The following GALNT2 variants were observed in gnomAD, a reference collection of about 807,000 sequenced individuals.
The protein encoded by GALNT2 is UDP-GalNAc:polypeptide N-acetylgalactosaminyltransferase 2.
Under a neutral mutation model 81.4 loss-of-function variants are expected in GALNT2, and 31 were observed. That is an observed-to-expected ratio of 0.38 (90% CI 0.29 to 0.51). The LOEUF is 0.51. Ranked by LOEUF, GALNT2 falls within the 20% of genes least tolerant of loss-of-function variation. GALNT2 has a pLI of 0.87. For synonymous variants in GALNT2, 303 were observed against 287.4 expected (o/e 1.05, Z -0.55); for missense variants, 629 against 765.7 (o/e 0.82, Z 2.11).
chr1:230,092,184 T>TTTTTTTTTTTTTG (rs1660108696), intron 1 of GALNT2, among the ~76,000 whole-genome samples: 1 of 119,606 alleles, frequency 8.4e-6, no homozygotes. Flanking sequence ...TAGTTTTTTT[T>TTTTTTTTTTTTTG]TTTTTTTTTT....
At chr1:230,229,760 G>T (rs1267713783) in intron 3 of GALNT2, among the ~76,000 whole-genome samples, 1 of 152,214 alleles carries the variant, frequency 6.6e-6, no homozygotes, top group African/African-American at 2.4e-5. Flanking sequence ...CAGAACAGAT[G>T]CACCTCCCAA....
At chr1:230,165,883 A>G (rs569067645) in intron 1 of GALNT2, among the ~76,000 whole-genome samples, 1 of 152,348 alleles carries the variant, frequency 6.6e-6, no homozygotes, top group Admixed American at 6.5e-5. Flanking sequence ...TAGGTCACTC[A>G]TATTAGGCAT....
At chr1:230,168,187 G>T (rs189687580) in intron 1 of GALNT2, among the ~76,000 whole-genome samples, 1 of 51,188 alleles carries the variant, frequency 2.0e-5, no homozygotes, top group Non-Finnish European at 9.9e-5. Flanking sequence ...AGTGTCGGGC[G>T]CTCAGCTAAC....
intron 1 of GALNT2, among the ~76,000 whole-genome samples, chr1:230,060,401 C>T (rs1456351492): frequency 6.6e-6 from 1 of 152,132 alleles, no homozygotes; most frequent in Admixed American, 6.5e-5. Context: ...GATGCTGTCA[C>T]CTTCTCAGAG....
intron 1 of GALNT2, among the ~76,000 whole-genome samples, chr1:230,124,952 T>TG (rs1174082210): frequency 3.3e-5 from 5 of 152,194 alleles, no homozygotes; most frequent in Non-Finnish European, 7.4e-5. Context: ...CACCCTGGTG[T>TG]CTGCACCGCT....
Position 230,222,487 on chromosome 1 carries a change from A to G in GALNT2, c.375-13527A>G, listed in dbSNP as rs566315414. Among the ~76,000 whole-genome samples, 8 of 152,154 alleles carry G rather than the reference A, an allele frequency of 5.3e-5. No individual in the cohort carries two copies. In the South Asian group the frequency reaches 1.7e-3, roughly 32 times the overall value. ...TTAAACCTACTTGTAAATGACCGCT[A>G]TTATTATTTCTCACCACTCTGGAAT... On this transcript the variant is annotated intron_variant, in intron 3 of 15. Transcript: ENST00000366672.
intron 3 of GALNT2, among the ~76,000 whole-genome samples, chr1:230,228,954 A>G (rs935610017): frequency 3.9e-5 from 6 of 152,212 alleles, no homozygotes; most frequent in Non-Finnish European, 8.8e-5. Flanking sequence ...ACATGGATAT[A>G]CATAATCCTT....
chr1:230,275,032 CAT>C lies in GALNT2; in HGVS notation c.1560+474_1560+475del, dbSNP rs924259206. Among the ~76,000 whole-genome samples the C allele has an allele frequency of 4.6e-5, 7 of 151,256 alleles. No individual in the cohort carries two copies. The highest frequency in any genetic ancestry group is 1.7e-4 in the African/African-American group (7 of 41,098). On this transcript the variant is annotated intron_variant, in intron 15 of 15. Coordinates refer to ENST00000366672, the MANE Select transcript of GALNT2 (RefSeq NM_004481.5). The surrounding 1 kb of genome is among the most constrained non-coding windows in gnomAD (Gnocchi z 5.5). ...CACATATATACATATATACACGCCA[CAT>C]ATATACACATATATACATGCCACAT... is the stretch of plus-strand genomic sequence containing the variant.
intron 3 of GALNT2, among the ~76,000 whole-genome samples, chr1:230,218,591 G>C (rs1251680360): frequency 6.6e-6 from 1 of 152,196 alleles, no homozygotes; most frequent in Non-Finnish European, 1.5e-5. Context: ...GATTAGGAGG[G>C]AAGTTTTCAT....
intron 2 of GALNT2, among the ~76,000 whole-genome samples, chr1:230,186,684 A>G (rs976904242): frequency 7.9e-5 from 12 of 152,174 alleles, no homozygotes. Flanking sequence ...CCTTACTTAA[A>G]ATCATTTGAG....
intron 1 of GALNT2, among the ~76,000 whole-genome samples, chr1:230,145,913 C>T (rs139439695): frequency 6.2e-4 from 95 of 152,334 alleles, no homozygotes; most frequent in African/African-American, 2.1e-3. Flanking sequence ...CAAAGATGCT[C>T]GCCGCTTGCA....
chr1:230,068,488 A>C (rs1056881655), intron 1 of GALNT2, among the ~76,000 whole-genome samples: 12 of 152,184 alleles, frequency 7.9e-5, no homozygotes, highest in Non-Finnish European at 1.6e-4. Flanking sequence ...GTGTCACCGC[A>C]AACCCAGAAA....
intron 3 of GALNT2, among the ~76,000 whole-genome samples, chr1:230,220,875 C>T (rs949365279): frequency 6.6e-6 from 1 of 152,182 alleles, no homozygotes; most frequent in African/African-American, 2.4e-5. Context: ...GTCTGTGTTT[C>T]ACCTAGATAC....
intron 3 of GALNT2, among the ~76,000 whole-genome samples, chr1:230,207,903 ATTTCT>A (rs1664115112): frequency 6.8e-6 from 1 of 148,014 alleles, no homozygotes; most frequent in African/African-American, 2.5e-5. Flanking sequence ...TGAAAGCACC[ATTTCT>A]TTTCTTTTTA....
At chr1:230,198,945 T>C (rs1663798214) in intron 2 of GALNT2, among the ~76,000 whole-genome samples, 1 of 152,246 alleles carries the variant, frequency 6.6e-6, no homozygotes, top group South Asian at 2.1e-4. Flanking sequence ...AAATGTATGT[T>C]TTATTTTCCT....
chr1:230,182,520 C>T (rs75111809), intron 2 of GALNT2, among the ~76,000 whole-genome samples: 2,314 of 152,220 alleles, frequency 0.015, 32 homozygotes, highest in Non-Finnish European at 0.023. Context: ...GTTTAGTCTC[C>T]ATGTACTTTG....
chr1:230,196,783 A>G (rs148363698), intron 2 of GALNT2, among the ~76,000 whole-genome samples: 41 of 152,262 alleles, frequency 2.7e-4, no homozygotes, highest in South Asian at 1.0e-3. Context: ...GTGGCCCTCA[A>G]TAGCCCTCTG....
chr1:230,106,587 G>A (rs1660552084), intron 1 of GALNT2, among the ~76,000 whole-genome samples: 1 of 152,252 alleles, frequency 6.6e-6, no homozygotes, highest in Non-Finnish European at 1.5e-5. Context: ...GGAACAGGAT[G>A]ATAGAACAGT....
chr1:230,228,716 C>T (rs1664787798), intron 3 of GALNT2, among the ~76,000 whole-genome samples: 1 of 151,984 alleles, frequency 6.6e-6, no homozygotes, highest in Non-Finnish European at 1.5e-5. Flanking sequence ...CTTCATGGCT[C>T]CTCGGGCATG....
Sources: gnomAD v4.1 joint callset for allele counts (sites outside exome capture counted in the v4.1 genomes callset) on GRCh38, gnomAD v4.1.1 for gene constraint, Gnocchi (gnomAD v3.1) non-coding constraint, MANE v1.5 for transcripts, NCBI Gene and HGNC (gene_info 2026-07-23, HGNC 2026-07-21) for gene names.